EYS: variants seen among roughly 807,000 people sequenced by gnomAD.
EYS encodes the protein EGF-like photoreceptor maintenance factor.
EYS carries 250 observed loss-of-function variants against 282.1 expected under a neutral mutation model. The ratio of observed to expected loss-of-function variants is 0.89; its 90% CI spans 0.80 to 0.98. The LOEUF (loss-of-function observed/expected upper bound fraction) is 0.98. Ranked by LOEUF, EYS falls within the 50% of genes least tolerant of loss-of-function variation. EYS has a pLI of 0.00. For synonymous variants in EYS, 1,355 were observed against 1,282.9 expected (o/e 1.06, Z -1.20); for missense variants, 4,016 against 3,709.0 (o/e 1.08, Z -2.15).
At chr6:64,315,342 G>A (rs1769909814) in intron 29 of EYS, among the ~76,000 whole-genome samples, 1 of 152,166 alleles carries the variant, frequency 6.6e-6, no homozygotes, top group Admixed American at 6.5e-5. Flanking sequence ...GAGGTACAAA[G>A]AGGAGCTGGT....
chr6:64,802,023 C>CTTTTTTTTTTTTTTTTTTTT lies in EYS; in HGVS notation c.3443+11354_3443+11355insAAAAAAAAAAAAAAAAAAAA, dbSNP rs1199002175. On this transcript the variant is annotated intron_variant, in intron 22 of 42. Transcript: ENST00000503581. ...AGAGAGTTATAACAAATTTCTTTTT[C>CTTTTTTTTTTTTTTTTTTTT]TTTTTTTTTCTTTTTTTTTTTTTTT... Among the ~76,000 whole-genome samples, 2 of 70,780 alleles carry CTTTTTTTTTTTTTTTTTTTT rather than the reference C, an allele frequency of 2.8e-5. 1 individual carries two copies. The allele number at this position is 70,780 out of a possible 152,430, so 46.4% of individuals were successfully genotyped here.
rs537761856 is a variant in EYS at position 64,733,880 on chromosome 6, C to T, written c.3443+79498G>A. On this transcript the variant is annotated intron_variant, in intron 22 of 42. Coordinates refer to ENST00000503581, the MANE Select transcript of EYS (RefSeq NM_001142800.2). ...CCTGACTTAGTCTCACTCATATCCT[C>T]CTCATAGGCTAAATTTTCTGAACTG... The T allele has an allele frequency of 1.2e-3, 193 of 157,082 alleles. 1 individual carries two copies. The highest frequency in any genetic ancestry group is 3.4e-3 in the African/African-American group (142 of 41,512). 9.7% of individuals were successfully genotyped at this position (157,082 alleles called of 1,614,324 possible). A position where few individuals can be genotyped will look rare whatever the true frequency, so the allele number is the denominator to read the frequency against.
chr6:64,522,041 T>C (rs1777757829), intron 26 of EYS, among the ~76,000 whole-genome samples: 1 of 151,764 alleles, frequency 6.6e-6, no homozygotes, highest in Non-Finnish European at 1.5e-5. Flanking sequence ...CAGTCCTTTA[T>C]CTCTAGGACA....
At chr6:65,583,418 C>A (rs550798745) in intron 2 of EYS, among the ~76,000 whole-genome samples, 1 of 152,080 alleles carries the variant, frequency 6.6e-6, no homozygotes, top group African/African-American at 2.4e-5. Context: ...TAGAAGTTTT[C>A]TTGTAGTGTT....
intron 26 of EYS, among the ~76,000 whole-genome samples, chr6:64,461,573 A>G (rs1775748516): frequency 6.6e-6 from 1 of 152,190 alleles, no homozygotes; most frequent in African/African-American, 2.4e-5. Context: ...TGTGTTCTTT[A>G]GACACATTTA....
intron 1 of EYS, among the ~76,000 whole-genome samples, chr6:65,688,951 T>A (rs1769133778): frequency 1.3e-5 from 2 of 151,530 alleles, no homozygotes; most frequent in African/African-American, 4.8e-5. Context: ...TCAACCATTG[T>A]GGAAGTCAAT....
intron 30 of EYS, among the ~76,000 whole-genome samples, chr6:64,257,337 C>T (rs1385650326): frequency 6.6e-6 from 1 of 152,006 alleles, no homozygotes; most frequent in Non-Finnish European, 1.5e-5. Flanking sequence ...AGAATTTCTC[C>T]CTTTTTCTAT....
chr6:63,859,210 A>G (rs1036819013), intron 36 of EYS, among the ~76,000 whole-genome samples: 13 of 151,450 alleles, frequency 8.6e-5, no homozygotes, highest in Non-Finnish European at 1.3e-4. Context: ...CTTAAAAAAC[A>G]AAAGCATTTT....
chr6:64,763,571 A>G (rs942938839), intron 22 of EYS, among the ~76,000 whole-genome samples: 1 of 152,116 alleles, frequency 6.6e-6, no homozygotes, highest in Admixed American at 6.5e-5. Flanking sequence ...ACACAGAGCC[A>G]AACATATTAT....
chr6:64,394,302 A>G (rs1482416919), intron 28 of EYS, among the ~76,000 whole-genome samples: 6 of 152,134 alleles, frequency 3.9e-5, no homozygotes, highest in Admixed American at 3.9e-4. Context: ...ATATGGAACC[A>G]AAAAAGAGCC....
At position 64,148,851 on chromosome 6, in the gene EYS, A is replaced by G. The variant is rs1774609454; in HGVS notation, c.6425-66849T>C. On this transcript the variant is annotated intron_variant, in intron 31 of 42. Transcript: ENST00000503581. ...CAACCATAGAACTGAGAAATGTTAC[A>G]GAAAAATGTTATAAATTTCAAATAG... 2.6e-5 allele frequency among the ~76,000 whole-genome samples: 4 copies of G among 152,314 alleles called. No individual in the cohort carries two copies. In the South Asian group the frequency reaches 8.3e-4, roughly 32 times the overall value.
In EYS at chr6:65,355,807, T is replaced by C. The variant is rs74589244; in HGVS notation, c.1300-2190A>G. On this transcript the variant is annotated intron_variant, in intron 8 of 42. Coordinates refer to ENST00000503581, the MANE Select transcript of EYS (RefSeq NM_001142800.2). ...CATCTTATACCAATCAGAATGGCCA[T>C]TATTAAAAAGTCAAAAAACAATAGA... Among the ~76,000 whole-genome samples the C allele has an allele frequency of 8.7e-3, 1,325 of 152,074 alleles. 13 individuals are homozygous for C. Among genetic ancestry groups the C allele is most frequent in the Non-Finnish European group, 0.013 (879 of 67,964 alleles).
chr6:64,661,425 G>T (rs1769015835), intron 22 of EYS, among the ~76,000 whole-genome samples: 1 of 152,114 alleles, frequency 6.6e-6, no homozygotes, highest in African/African-American at 2.4e-5. Flanking sequence ...CACAGCAAAA[G>T]AAACTACCAT....
rs529106342 is a variant in EYS, at chr6:64,912,607, G to A, written c.2518C>T (p.Leu840Phe). Residue 840 changes from leucine to phenylalanine, a missense_variant, in exon 16 of 43, where the codon CTT becomes TTT. By Grantham distance (22) the Leu-to-Phe change is conservative (BLOSUM62 0). Coordinates refer to ENST00000503581, the MANE Select transcript of EYS (RefSeq NM_001142800.2). ...TGGTGGCAAAATTGTCCAGTATAAA[G>A]GGGTGGGCACAGACATACAAATTGT... Reference protein sequence around the residue: ...PGQFVCLCPPLYTGQFCHQRY... With the variant: ...PGQFVCLCPPFYTGQFCHQRY... The A allele has an allele frequency of 1.9e-6, 3 of 1,551,186 alleles. No individual in the cohort carries two copies. Among genetic ancestry groups the A allele is most frequent in the East Asian group, 2.4e-5 (1 of 40,894 alleles).
At chr6:65,029,449 T>TA (rs1204460837) in intron 13 of EYS, among the ~76,000 whole-genome samples, 6 of 152,196 alleles carry the variant, frequency 3.9e-5, no homozygotes, top group Non-Finnish European at 8.8e-5. Context: ...TTTATACTGA[T>TA]AAACCATTGA....
intron 10 of EYS, among the ~76,000 whole-genome samples, chr6:65,340,954 G>A (rs895329800): frequency 6.6e-6 from 1 of 151,008 alleles, no homozygotes; most frequent in African/African-American, 2.4e-5. Flanking sequence ...CATAGGTACA[G>A]TATCAAGTCT....
chr6:64,878,329 G>A (rs1257559664), intron 19 of EYS, among the ~76,000 whole-genome samples: 1 of 152,190 alleles, frequency 6.6e-6, no homozygotes, highest in African/African-American at 2.4e-5. Flanking sequence ...TGTAGTCTAT[G>A]AATGCAGATG....
chr6:63,872,219 GCTT>G (rs1285712071), intron 35 of EYS, among the ~76,000 whole-genome samples: 2 of 152,048 alleles, frequency 1.3e-5, no homozygotes, highest in Non-Finnish European at 2.9e-5. Context: ...CCATTATATG[GCTT>G]CTTCTTTCCC....
intron 35 of EYS, among the ~76,000 whole-genome samples, chr6:63,950,945 T>G (rs1300839360): frequency 1.3e-5 from 2 of 152,142 alleles, no homozygotes; most frequent in Non-Finnish European, 2.9e-5. Flanking sequence ...CTTCCCTTAG[T>G]GTTTAATCAC....
Sources: allele counts gnomAD v4.1 joint callset (sites outside exome capture counted in the v4.1 genomes callset), GRCh38; gene constraint gnomAD v4.1.1; transcripts MANE v1.5; gene names NCBI Gene and HGNC (gene_info 2026-07-23, HGNC 2026-07-21).